FYB2: variants seen among roughly 807,000 people sequenced by gnomAD.
FYB2 encodes FYN binding protein 2.
Under a neutral mutation model 94.1 loss-of-function variants are expected in FYB2, and 103 were observed. The ratio of observed to expected loss-of-function variants is 1.09; its 90% CI spans 0.93 to 1.29. The LOEUF (loss-of-function observed/expected upper bound fraction) is 1.29. Among genes scored for constraint, FYB2 ranks in the 50% most tolerant of loss-of-function variants. The probability of loss-of-function intolerance (pLI) is 0.00; values close to 1 mark genes in which losing one functional copy is unlikely to be tolerated. For missense variants in FYB2, 896 were observed against 841.5 expected (o/e 1.06, Z -0.80); for synonymous variants, 293 against 287.9 (o/e 1.02, Z -0.18).
intron 4 of FYB2, among the ~76,000 whole-genome samples, chr1:56,784,098 T>A (rs1335855575): frequency 1.3e-5 from 2 of 152,108 alleles, no homozygotes; most frequent in Non-Finnish European, 2.9e-5. Flanking sequence ...ACCTTTAAGA[T>A]GATTAAAATA....
At chr1:56,766,437 T>A (rs987075181) in intron 5 of FYB2, among the ~76,000 whole-genome samples, 6 of 152,088 alleles carry the variant, frequency 3.9e-5, no homozygotes, top group Admixed American at 6.5e-5. Flanking sequence ...ATTTCTTTTT[T>A]TTTCTTTTTT....
chr1:56,746,838 G>A (rs1355567237), intron 9 of FYB2, among the ~76,000 whole-genome samples: 1 of 151,984 alleles, frequency 6.6e-6, no homozygotes, highest in African/African-American at 2.4e-5. Context: ...TAGGTCATAG[G>A]ATATGCATTA....
chr1:56,809,371 T>C (rs1219881544), intron 1 of FYB2, among the ~76,000 whole-genome samples: 1 of 152,176 alleles, frequency 6.6e-6, no homozygotes, highest in Non-Finnish European at 1.5e-5. Context: ...TTTTTTTCTC[T>C]ACATCCAGTC....
In FYB2 at chr1:56,723,521, T is replaced by C; in HGVS notation, c.1974+67A>G. On this transcript the variant is annotated intron_variant, in intron 17 of 19. Coordinates refer to ENST00000343433, the MANE Select transcript of FYB2 (RefSeq NM_001004303.5). ...GGCAGAGGCACAGCATACTTACAGA[T>C]TTTTTTTTTAAATGAAAGCTCCTAG... 5.2e-6 allele frequency: 3 copies of C among 577,694 alleles called. 1 individual carries two copies. Among genetic ancestry groups the C allele is most frequent in the Admixed American group, 8.9e-5 (2 of 22,460 alleles). The allele number at this position is 577,694 out of a possible 1,614,324, so 35.8% of individuals were successfully genotyped here.
At chr1:56,754,307 G>A (rs1490907733) in intron 7 of FYB2, among the ~76,000 whole-genome samples, 1 of 151,820 alleles carries the variant, frequency 6.6e-6, no homozygotes, top group Non-Finnish European at 1.5e-5. Flanking sequence ...CACCCTATTT[G>A]AGCAACTCTC....
intron 1 of FYB2, among the ~76,000 whole-genome samples, chr1:56,816,073 G>A (rs906552127): frequency 1.3e-5 from 2 of 152,102 alleles, no homozygotes; most frequent in African/African-American, 4.8e-5. Context: ...CAGAAAGAAG[G>A]ATATATATAA....
At chr1:56,719,914 T>A (rs962225497) in intron 19 of FYB2, 108 bp downstream of exon 19, 5 of 1,246,286 alleles carry the variant, frequency 4.0e-6, no homozygotes, top group Non-Finnish European at 5.5e-6. Flanking sequence ...GTCTAATTTT[T>A]AAAACTTATC....
At chr1:56,793,233 A>G (rs924713152) in intron 1 of FYB2, among the ~76,000 whole-genome samples, 2 of 152,158 alleles carry the variant, frequency 1.3e-5, no homozygotes, top group Non-Finnish European at 2.9e-5. Flanking sequence ...ATGATCTCCA[A>G]CCACAGCCAA....
rs564640694 is a variant in FYB2 at position 56,763,056 on chromosome 1, A to C, written c.1064-4306T>G. 5.9e-5 allele frequency among the ~76,000 whole-genome samples: 9 copies of C among 152,308 alleles called. No individual in the cohort carries two copies. The South Asian group carries it at 1.9e-3, about 32-fold the overall frequency. ...TGATTTTGTTGATTTTTGAATATTG[A>C]ACCAGCTTTGCATCTCTGCACCCTT... On this transcript the variant is annotated intron_variant, in intron 5 of 19. Transcript: ENST00000343433.
At chr1:56,721,442 G>A (rs1187191807) in intron 17 of FYB2, among the ~76,000 whole-genome samples, 2 of 152,008 alleles carry the variant, frequency 1.3e-5, no homozygotes, top group Non-Finnish European at 2.9e-5. Context: ...AATGAGATCA[G>A]AAATACAAGA....
chr1:56,747,797 T>G (rs1487536268), intron 9 of FYB2, among the ~76,000 whole-genome samples: 1 of 152,210 alleles, frequency 6.6e-6, no homozygotes, highest in Non-Finnish European at 1.5e-5. Context: ...ATGGTATTTC[T>G]GGTTCTAGAT....
chr1:56,750,093 C>T (rs74432215), intron 9 of FYB2, among the ~76,000 whole-genome samples: 13,956 of 151,886 alleles, frequency 0.092, 818 homozygotes, highest in East Asian at 0.23. Context: ...AAAAAAAATA[C>T]CAAATGGTCT....
At chr1:56,723,094 A>G (rs1039740451) in intron 17 of FYB2, among the ~76,000 whole-genome samples, 4 of 151,956 alleles carry the variant, frequency 2.6e-5, no homozygotes, top group African/African-American at 9.7e-5. Context: ...TTAGGCATTC[A>G]TTTACCAAAC....
chr1:56,738,437 A>G (rs967591220), intron 14 of FYB2, among the ~76,000 whole-genome samples, 188 bp downstream of exon 14: 1 of 152,140 alleles, frequency 6.6e-6, no homozygotes, highest in African/African-American at 2.4e-5. Flanking sequence ...TGTAGTAGGT[A>G]CTTGAGAAAC....
chr1:56,744,083 C>G lies in FYB2; in HGVS notation c.1503-17G>C, dbSNP rs764746610. 5 of 1,612,626 alleles carry G rather than the reference C, an allele frequency of 3.1e-6. No homozygotes were observed. In the South Asian group the frequency reaches 5.5e-5, roughly 18 times the overall value. ...AGCTTCGGTCTATGGGAGAAAATAA[C>G]AAAGACCATTATTGTACCTTTAAAG... On this transcript the variant is annotated splice_polypyrimidine_tract_variant and intron_variant, in intron 10 of 19. Transcript: ENST00000343433.
At chr1:56,741,489 T>A (rs1644951605) in intron 12 of FYB2, among the ~76,000 whole-genome samples, 1 of 152,136 alleles carries the variant, frequency 6.6e-6, no homozygotes, top group African/African-American at 2.4e-5. Context: ...ATTACAATTC[T>A]GTCAAATATC....
intron 17 of FYB2, among the ~76,000 whole-genome samples, chr1:56,721,124 G>A (rs947852115): frequency 1.7e-4 from 26 of 151,956 alleles, no homozygotes; most frequent in Admixed American, 1.4e-3. Context: ...AGAAACTCCT[G>A]AGAAATTCAA....
intron 8 of FYB2, among the ~76,000 whole-genome samples, chr1:56,751,595 G>T (rs970114879): frequency 2.0e-5 from 3 of 151,984 alleles, no homozygotes; most frequent in Non-Finnish European, 4.4e-5. Context: ...ATCTACCTAG[G>T]CAGGACTTGA....
chr1:56,801,415 T>G (rs7513447), intron 1 of FYB2, among the ~76,000 whole-genome samples: 29,766 of 152,194 alleles, frequency 0.2, 3,687 homozygotes, highest in South Asian at 0.28. Context: ...CTTTTATTTA[T>G]TAAAGATTTA....
Sources: allele counts gnomAD v4.1 joint callset (sites outside exome capture counted in the v4.1 genomes callset), GRCh38; gene constraint gnomAD v4.1.1; transcripts MANE v1.5; gene names NCBI Gene and HGNC (gene_info 2026-07-23, HGNC 2026-07-21).